KCNQ1: variants seen among roughly 807,000 people sequenced by gnomAD.
KCNQ1 encodes potassium voltage-gated channel subfamily KQT member 1.
In KCNQ1, 49 loss-of-function variants were observed where a neutral mutation model predicts 72.4. That is an observed-to-expected ratio of 0.68 (90% confidence interval 0.54 to 0.86). The LOEUF (loss-of-function observed/expected upper bound fraction) is 0.86, where lower values mean the gene tolerates loss of function less well. Among genes scored for constraint, KCNQ1 ranks in the 40% least tolerant of loss-of-function variants. The pLI is 0.00. For missense variants in KCNQ1, 790 were observed against 945.1 expected (o/e 0.84, Z 2.15); for synonymous variants, 450 against 412.6 (o/e 1.09, Z -1.10).
chr11:2,837,931 T>C (rs1848111354), intron 15 of KCNQ1, among the ~76,000 whole-genome samples: 1 of 152,098 alleles, frequency 6.6e-6, no homozygotes, highest in Non-Finnish European at 1.5e-5. Flanking sequence ...AAGTGGACAT[T>C]GTGGTGTGGG....
chr11:2,843,650 C>T (rs550859863), intron 15 of KCNQ1, among the ~76,000 whole-genome samples: 16 of 152,352 alleles, frequency 1.1e-4, no homozygotes, highest in East Asian at 7.7e-4. Context: ...GGATCAAGGC[C>T]GGGCAGGTTC....
At chr11:2,726,049 A>T (rs946100447) in intron 11 of KCNQ1, among the ~76,000 whole-genome samples, 1 of 152,176 alleles carries the variant, frequency 6.6e-6, no homozygotes, top group Admixed American at 6.5e-5. Context: ...TCCGGCAGAG[A>T]AGGGGCCCCA....
intron 11 of KCNQ1, chr11:2,680,594 G>A (rs546676046): frequency 3.5e-5 from 14 of 398,300 alleles, no homozygotes; most frequent in Admixed American, 1.3e-4. Context: ...AGTCTCCCCC[G>A]ATAGTAACAT....
chr11:2,485,302 A>G (rs906093608), intron 1 of KCNQ1, among the ~76,000 whole-genome samples: 1 of 147,092 alleles, frequency 6.8e-6, no homozygotes, highest in Non-Finnish European at 1.5e-5. Flanking sequence ...GAGGTGCACA[A>G]AGAGTGTCCT....
intron 11 of KCNQ1, among the ~76,000 whole-genome samples, chr11:2,749,972 A>AAAAAG (rs1846201095): frequency 6.6e-6 from 1 of 152,006 alleles, no homozygotes; most frequent in Admixed American, 6.5e-5. Context: ...AAAAAAAAAA[A>AAAAAG]ATAAAAAGTA....
Position 2,498,486 on chromosome 11 carries a change from A to G in KCNQ1, c.387-29442A>G, listed in dbSNP as rs1338401489. On this transcript the variant is annotated intron_variant, in intron 1 of 15. Transcript: ENST00000155840. The surrounding 1 kb of genome is among the most constrained non-coding windows in gnomAD (Gnocchi z 4.8). ...GCCTCCCAGCCTCCTTAGCACTATC[A>G]GGGGAAAACCGCCTACTAAAGCCTC... is the stretch of plus-strand genomic sequence containing the variant. 6.6e-6 allele frequency among the ~76,000 whole-genome samples: 1 copy of G among 150,708 alleles called. No individual in the cohort carries two copies. Among genetic ancestry groups the G allele is most frequent in the Admixed American group, 6.6e-5 (1 of 15,226 alleles).
chr11:2,499,406 A>G (rs1023813860), intron 1 of KCNQ1, among the ~76,000 whole-genome samples: 2 of 152,164 alleles, frequency 1.3e-5, no homozygotes, highest in African/African-American at 4.8e-5. Flanking sequence ...GGAAGAGAAT[A>G]TCTTCACCAG....
intron 11 of KCNQ1, among the ~76,000 whole-genome samples, chr11:2,733,814 A>ACACACACACACACACACACACTCT: frequency 9.6e-4 from 83 of 86,542 alleles, no homozygotes; most frequent in Non-Finnish European, 1.4e-3. Context: ...ACACACACAC[A>ACACACACACACACACACACACTCT]CTCTCTCACT....
rs1376229006 is a variant in KCNQ1, at chr11:2,764,147, A to G, written c.1515-4697A>G. On this transcript the variant is annotated intron_variant, in intron 11 of 15. Transcript: ENST00000155840. This position sits in a 1 kb window ranked among gnomAD's most constrained non-coding sequence, Gnocchi z 4.8. ...GGAGGAAAGCGTATCACATTTCACT[A>G]TTAAGTATGATGTCTGCTTAGGGTT... 6.6e-6 allele frequency among the ~76,000 whole-genome samples: 1 copy of G among 151,858 alleles called. No homozygotes were observed.
Position 2,815,306 on chromosome 11 carries a change from G to A in KCNQ1, c.1795-32461G>A, listed in dbSNP as rs544095458. 6.6e-6 allele frequency among the ~76,000 whole-genome samples: 1 copy of A among 152,124 alleles called. No homozygotes were observed. Among genetic ancestry groups the A allele is most frequent in the Admixed American group, 6.5e-5 (1 of 15,284 alleles). On this transcript the variant is annotated intron_variant, in intron 15 of 15. Coordinates refer to ENST00000155840, the MANE Select transcript of KCNQ1 (RefSeq NM_000218.3). This position sits in a 1 kb window ranked among gnomAD's most constrained non-coding sequence, Gnocchi z 5.4. ...CACTAGAGCCCACATAGGTCTTATG[G>A]GTGCCACAGCAGGGACCCCACTGGA...
rs534112126 is a variant in KCNQ1 at position 2,537,481 on chromosome 11, G to A, written c.477+9463G>A. Among the ~76,000 whole-genome samples, 160 of 152,098 alleles carry A rather than the reference G, an allele frequency of 1.1e-3. No individual in the cohort carries two copies. Among genetic ancestry groups the A allele is most frequent in the South Asian group, 7.1e-3 (34 of 4,814 alleles). ...AGCGTGTGCCCCGGGCCAGCCCACC[G>A]TGCCCCACGTTTCTACAGTGCCCAG... is the stretch of plus-strand genomic sequence containing the variant. On this transcript the variant is annotated intron_variant, in intron 2 of 15. Coordinates refer to ENST00000155840, the MANE Select transcript of KCNQ1 (RefSeq NM_000218.3). This position sits in a 1 kb window ranked among gnomAD's most constrained non-coding sequence, Gnocchi z 5.2.
At chr11:2,718,133 G>GC (rs1409216347) in intron 11 of KCNQ1, among the ~76,000 whole-genome samples, 5 of 152,178 alleles carry the variant, frequency 3.3e-5, no homozygotes, top group African/African-American at 1.2e-4. Context: ...ACACTTTGAG[G>GC]CCCTCCCTGC....
At chr11:2,823,225 T>C (rs985289496) in intron 15 of KCNQ1, among the ~76,000 whole-genome samples, 2 of 152,160 alleles carry the variant, frequency 1.3e-5, no homozygotes, top group Admixed American at 6.5e-5. Flanking sequence ...TTTCCAAACA[T>C]GGGCCTCTGA....
In KCNQ1 at chr11:2,767,058, C is replaced by T. The variant is rs975558727; in HGVS notation, c.1515-1786C>T. Among the ~76,000 whole-genome samples the T allele has an allele frequency of 6.6e-6, 1 of 152,202 alleles. No homozygotes were observed. Among genetic ancestry groups the T allele is most frequent in the Non-Finnish European group, 1.5e-5 (1 of 68,034 alleles). On this transcript the variant is annotated intron_variant, in intron 11 of 15. Transcript: ENST00000155840. This position sits in a 1 kb window ranked among gnomAD's most constrained non-coding sequence, Gnocchi z 4.6. ...TGGGCATGGTGGTGTGCACCTGCTACTCAGGAGGCTGAGGCAGAAAAATCA... is the reference window on the plus strand; with the variant it reads ...TGGGCATGGTGGTGTGCACCTGCTATTCAGGAGGCTGAGGCAGAAAAATCA...
At position 2,626,295 on chromosome 11, in the gene KCNQ1, C is replaced by T; in HGVS notation, c.1394-35666C>T. The T allele has an allele frequency of 2.5e-6, 1 of 398,392 alleles. No homozygotes were observed. The highest frequency in any genetic ancestry group is 6.3e-4 in the Middle Eastern group (1 of 1,586). 24.7% of individuals were successfully genotyped at this position (398,392 alleles called of 1,614,324 possible). A position where few individuals can be genotyped will look rare whatever the true frequency, so the allele number is the denominator to read the frequency against. ...GTTAGGTAAGGATCTCAACTTCATT[C>T]TCTTGAGTTAATTTTTGTGTATGGT... On this transcript the variant is annotated intron_variant, in intron 10 of 15. Coordinates refer to ENST00000155840, the MANE Select transcript of KCNQ1 (RefSeq NM_000218.3). The surrounding 1 kb of genome is among the most constrained non-coding windows in gnomAD (Gnocchi z 4.0).
At chr11:2,448,951 G>T (rs373619386) in intron 1 of KCNQ1, among the ~76,000 whole-genome samples, 1 of 152,240 alleles carries the variant, frequency 6.6e-6, no homozygotes, top group East Asian at 1.9e-4. Context: ...GGTAGTCCAG[G>T]TGGCAAGAGC....
rs1365761534 is a variant in KCNQ1, at chr11:2,642,734, G to C, written c.1394-19227G>C. Reference sequence around the variant, plus strand: ...TAGTATGGTTTGTTCTTGCTTTTCTGGTTCCTTCAGGTGTATCATTAGATT... The same window carrying C: ...TAGTATGGTTTGTTCTTGCTTTTCTCGTTCCTTCAGGTGTATCATTAGATT... On this transcript the variant is annotated intron_variant, in intron 10 of 15. Transcript: ENST00000155840. The surrounding 1 kb of genome is among the most constrained non-coding windows in gnomAD (Gnocchi z 4.3). 8 of 397,284 alleles carry C rather than the reference G, an allele frequency of 2.0e-5. No individual in the cohort carries two copies. The highest frequency in any genetic ancestry group is 3.1e-5 in the Non-Finnish European group (7 of 225,524). 24.6% of individuals were successfully genotyped at this position (397,284 alleles called of 1,614,324 possible).
At chr11:2,666,079 C>T (rs1389063814) in intron 11 of KCNQ1, 1 of 398,556 alleles carries the variant, frequency 2.5e-6, no homozygotes, top group Non-Finnish European at 4.4e-6. Context: ...GCCCTGCAGC[C>T]TATGGCTCTG....
chr11:2,601,909 C>T lies in KCNQ1; in HGVS notation c.1393+13055C>T, dbSNP rs1236213959. Among the ~76,000 whole-genome samples, 1 of 152,158 alleles carries T rather than the reference C, an allele frequency of 6.6e-6. No homozygotes were observed. The highest frequency in any genetic ancestry group is 1.5e-5 in the Non-Finnish European group (1 of 68,024). ...CCCCAAAGTAGCCAGGTCCTAACGC[C>T]TAGAACCTGTGACTATCGCCTTCTA... is the stretch of plus-strand genomic sequence containing the variant. On this transcript the variant is annotated intron_variant, in intron 10 of 15. Coordinates refer to ENST00000155840, the MANE Select transcript of KCNQ1 (RefSeq NM_000218.3). The surrounding 1 kb of genome is among the most constrained non-coding windows in gnomAD (Gnocchi z 5.2).
Sources: allele counts gnomAD v4.1 joint callset (sites outside exome capture counted in the v4.1 genomes callset), GRCh38; gene constraint gnomAD v4.1.1; non-coding constraint Gnocchi (gnomAD v3.1); transcripts MANE v1.5; gene names NCBI Gene and HGNC (gene_info 2026-07-23, HGNC 2026-07-21).